CAMK2D: variants seen among roughly 807,000 people sequenced by gnomAD.
The protein encoded by CAMK2D is calcium/calmodulin-dependent protein kinase type II subunit delta.
CAMK2D carries 37 observed loss-of-function variants against 84.0 expected under a neutral mutation model. That is an observed-to-expected ratio of 0.44 (90% confidence interval 0.34 to 0.58). CAMK2D has a LOEUF of 0.58. Ranked by LOEUF, CAMK2D falls within the 20% of genes least tolerant of loss-of-function variation. CAMK2D has a pLI of 0.02. For missense variants in CAMK2D, 448 were observed against 652.5 expected, an observed-to-expected ratio of 0.69 and a Z score of 3.41; for synonymous variants, 202 against 212.5, an observed-to-expected ratio of 0.95 and a Z score of 0.43.
intron 2 of CAMK2D, among the ~76,000 whole-genome samples, chr4:113,745,200 C>A (rs765543667): frequency 1.1e-4 from 17 of 152,146 alleles, no homozygotes; most frequent in Non-Finnish European, 2.2e-4. Context: ...TGTTTTTAAC[C>A]TTTTCTTTCC....
chr4:113,712,164 G>C (rs1305188020), intron 2 of CAMK2D, among the ~76,000 whole-genome samples: 1 of 152,138 alleles, frequency 6.6e-6, no homozygotes, highest in Non-Finnish European at 1.5e-5. Flanking sequence ...ATACTTTCAA[G>C]TATGTGAATG....
At chr4:113,610,536 C>T (rs927293800) in intron 3 of CAMK2D, among the ~76,000 whole-genome samples, 1 of 152,148 alleles carries the variant, frequency 6.6e-6, no homozygotes, top group Non-Finnish European at 1.5e-5. Flanking sequence ...TGTGCTTTAT[C>T]ATCTAATTCC....
intron 12 of CAMK2D, among the ~76,000 whole-genome samples, chr4:113,510,893 A>G (rs1189757036): frequency 6.6e-6 from 1 of 152,116 alleles, no homozygotes; most frequent in African/African-American, 2.4e-5. Flanking sequence ...ATTAATTGAG[A>G]TTGTAAGAAA....
intron 4 of CAMK2D, among the ~76,000 whole-genome samples, chr4:113,595,347 A>G (rs1394502352): frequency 6.6e-6 from 1 of 152,170 alleles, no homozygotes; most frequent in African/African-American, 2.4e-5. Context: ...ATAAGTGAAG[A>G]CAATAAAAAC....
chr4:113,698,551 A>G (rs1363605874), intron 2 of CAMK2D, among the ~76,000 whole-genome samples: 2 of 152,076 alleles, frequency 1.3e-5, no homozygotes, highest in Admixed American at 6.6e-5. Flanking sequence ...ACACACTTTT[A>G]TTTTCTAGTA....
At chr4:113,724,331 G>A (rs187177987) in intron 2 of CAMK2D, among the ~76,000 whole-genome samples, 8 of 151,176 alleles carry the variant, frequency 5.3e-5, no homozygotes, top group Admixed American at 3.3e-4. Context: ...TTACTGTATC[G>A]TTTTCACTCT....
chr4:113,732,119 CCTT>C (rs1289697872), intron 2 of CAMK2D, among the ~76,000 whole-genome samples: 5 of 151,732 alleles, frequency 3.3e-5, no homozygotes, highest in East Asian at 1.9e-4. Context: ...CATCAGCACT[CCTT>C]CTTTTTTTTT....
intron 12 of CAMK2D, 114 bp from the exon 13 acceptor site, chr4:113,509,789 C>T: frequency 4.2e-6 from 3 of 722,432 alleles, no homozygotes; most frequent in African/African-American, 1.8e-5. Context: ...TTCTGGCCAA[C>T]ATATGGCAAG....
chr4:113,548,418 T>C (rs534444022), intron 5 of CAMK2D, among the ~76,000 whole-genome samples: 1 of 152,334 alleles, frequency 6.6e-6, no homozygotes, highest in South Asian at 2.1e-4. Flanking sequence ...GGTAGTTTAC[T>C]GCTTGGAAAC....
intron 2 of CAMK2D, among the ~76,000 whole-genome samples, chr4:113,680,201 G>A (rs987094169): frequency 1.3e-5 from 2 of 152,112 alleles, no homozygotes; most frequent in African/African-American, 4.8e-5. Flanking sequence ...GGCTTATAGG[G>A]CGTAAGATAT....
At chr4:113,568,487 A>T (rs547949869) in intron 4 of CAMK2D, among the ~76,000 whole-genome samples, 1 of 152,190 alleles carries the variant, frequency 6.6e-6, no homozygotes, top group Non-Finnish European at 1.5e-5. Flanking sequence ...GTTGATGGAC[A>T]TTTGTGTTGT....
chr4:113,523,209 C>A (rs1488463618), intron 8 of CAMK2D, among the ~76,000 whole-genome samples: 20 of 152,154 alleles, frequency 1.3e-4, no homozygotes, highest in Non-Finnish European at 1.5e-4. Flanking sequence ...TTTGTTATAG[C>A]AGCCTGAACT....
chr4:113,761,364 C>T lies in CAMK2D; in HGVS notation c.-296G>A. 1 of 1,359,424 alleles carries T rather than the reference C, an allele frequency of 7.4e-7. No homozygotes were observed. Among genetic ancestry groups the T allele is most frequent in the Non-Finnish European group, 9.5e-7 (1 of 1,051,930 alleles). 84.2% of individuals were successfully genotyped at this position (1,359,424 alleles called of 1,614,324 possible). A position where few individuals can be genotyped will look rare whatever the true frequency, so the allele number is the denominator to read the frequency against. On this transcript the variant is annotated 5_prime_UTR_variant, in exon 1 of 21. Transcript: ENST00000511664. ...CCGCCCCTTTTCCAGTCCCTGTCCC[C>T]AAATGCAGGGGGTAAAGTACTCAAG...
intron 3 of CAMK2D, among the ~76,000 whole-genome samples, chr4:113,658,090 T>C (rs6533705): frequency 0.31 from 47,517 of 152,028 alleles, 9,374 homozygotes; most frequent in African/African-American, 0.56. Flanking sequence ...GTACTTTCCT[T>C]ACACCCTGGG....
chr4:113,665,958 T>C (rs1422580429), intron 2 of CAMK2D, among the ~76,000 whole-genome samples: 1 of 152,244 alleles, frequency 6.6e-6, no homozygotes, highest in African/African-American at 2.4e-5. Flanking sequence ...TTTGGTGAAA[T>C]GTTGTTATAA....
intron 4 of CAMK2D, among the ~76,000 whole-genome samples, chr4:113,556,490 C>G (rs1280128914): frequency 6.6e-6 from 1 of 152,138 alleles, no homozygotes; most frequent in African/African-American, 2.4e-5. Flanking sequence ...AGAGTAGTCA[C>G]TGGTCAGTGT....
chr4:113,640,021 T>A (rs1372214486), intron 3 of CAMK2D, among the ~76,000 whole-genome samples: 5 of 151,682 alleles, frequency 3.3e-5, no homozygotes, highest in Non-Finnish European at 5.9e-5. Flanking sequence ...AAGGGAGAAC[T>A]GCTAAGTGCT....
At chr4:113,458,584 G>C (rs1023108515) in intron 18 of CAMK2D, among the ~76,000 whole-genome samples, 12 of 151,602 alleles carry the variant, frequency 7.9e-5, no homozygotes, top group African/African-American at 2.7e-4. Context: ...TGTCGATAGA[G>C]AGTTAGTTGG....
intron 3 of CAMK2D, among the ~76,000 whole-genome samples, chr4:113,621,723 A>C (rs1367059441): frequency 1.3e-5 from 2 of 152,212 alleles, no homozygotes; most frequent in Non-Finnish European, 2.9e-5. Context: ...AAATCAAGGA[A>C]TGGTGATCTC....
Sources: gnomAD v4.1 joint callset for allele counts (sites outside exome capture counted in the v4.1 genomes callset) on GRCh38, gnomAD v4.1.1 for gene constraint, MANE v1.5 for transcripts, NCBI Gene and HGNC (gene_info 2026-07-23, HGNC 2026-07-21) for gene names.